TNS3: variants seen among roughly 807,000 people sequenced by gnomAD.
The protein encoded by TNS3 is tensin 3.
In TNS3, 45 loss-of-function variants were observed where a neutral mutation model predicts 140.9. The ratio of observed to expected loss-of-function variants is 0.32; its 90% confidence interval spans 0.25 to 0.41. TNS3 has a LOEUF of 0.41. Ranked by LOEUF, TNS3 falls within the 10% of genes least tolerant of loss-of-function variation. The probability of loss-of-function intolerance (pLI) is 1.00; values close to 1 mark genes in which losing one functional copy is unlikely to be tolerated. For synonymous variants in TNS3, 815 were observed against 788.4 expected (o/e 1.03, Z -0.56); for missense variants, 1,716 against 1,906.7 (o/e 0.90, Z 1.86).
At chr7:47,286,482 A>G (rs576522209) in intron 27 of TNS3, among the ~76,000 whole-genome samples, 1 of 152,248 alleles carries the variant, frequency 6.6e-6, no homozygotes, top group African/African-American at 2.4e-5. Flanking sequence ...CACCTGACCC[A>G]AGACCATCCA....
chr7:47,445,527 C>A (rs1417773961), intron 4 of TNS3, among the ~76,000 whole-genome samples: 1 of 152,220 alleles, frequency 6.6e-6, no homozygotes. Flanking sequence ...CCCTGAATCA[C>A]ATGAACATCA....
Position 47,312,371 on chromosome 7 carries a change from C to G in TNS3, c.2651-7368G>C, listed in dbSNP as rs1379544017. 2.6e-5 allele frequency among the ~76,000 whole-genome samples: 4 copies of G among 152,326 alleles called. No homozygotes were observed. The South Asian group carries it at 8.3e-4, about 32-fold the overall frequency. ...TATTCCCAGTACTAAGATGACTTAT[C>G]TCCATTTGTGTTTGTCCGTATTTCT... On this transcript the variant is annotated intron_variant, in intron 20 of 30. Coordinates refer to ENST00000311160, the MANE Select transcript of TNS3 (RefSeq NM_022748.12).
At chr7:47,573,013 G>A (rs1229814414) in intron 1 of TNS3, among the ~76,000 whole-genome samples, 2 of 152,146 alleles carry the variant, frequency 1.3e-5, no homozygotes, top group African/African-American at 2.4e-5. Context: ...TTGCCACCAG[G>A]GCTGCCCCAG....
chr7:47,549,193 A>T (rs1799997537), intron 1 of TNS3, among the ~76,000 whole-genome samples: 1 of 152,146 alleles, frequency 6.6e-6, no homozygotes, highest in African/African-American at 2.4e-5. Context: ...TAAAAAATAA[A>T]TAAATGAAAG....
intron 1 of TNS3, among the ~76,000 whole-genome samples, chr7:47,578,186 G>A (rs571869894): frequency 6.6e-5 from 10 of 152,080 alleles, no homozygotes; most frequent in Admixed American, 2.6e-4. Context: ...GGTGGTATGC[G>A]CCTGTAATCC....
chr7:47,567,450 C>T (rs918374542), intron 1 of TNS3, among the ~76,000 whole-genome samples: 2 of 151,982 alleles, frequency 1.3e-5, no homozygotes, highest in Admixed American at 6.6e-5. Context: ...TTTGGAAGGC[C>T]GAGGCAGATG....
chr7:47,308,867 T>C (rs1298131783), intron 20 of TNS3, among the ~76,000 whole-genome samples: 1 of 152,196 alleles, frequency 6.6e-6, no homozygotes, highest in Non-Finnish European at 1.5e-5. Context: ...GCCTTCAATG[T>C]CCCTAATGTC....
intron 4 of TNS3, among the ~76,000 whole-genome samples, chr7:47,446,394 C>T (rs896990285): frequency 1.4e-4 from 22 of 152,174 alleles, no homozygotes; most frequent in African/African-American, 4.1e-4. Flanking sequence ...TGGACCCTAT[C>T]GCCAATGTCA....
chr7:47,530,838 A>AATATATATATATAT (rs1554350245), intron 1 of TNS3, among the ~76,000 whole-genome samples: 3,113 of 53,708 alleles, frequency 0.058, 323 homozygotes, highest in South Asian at 0.12. Flanking sequence ...AAAAAAAAAA[A>AATATATATATATAT]ATATATATAT....
At chr7:47,440,664 G>A (rs190724772) in intron 5 of TNS3, among the ~76,000 whole-genome samples, 1 of 152,280 alleles carries the variant, frequency 6.6e-6, no homozygotes, top group African/African-American at 2.4e-5. Context: ...CCTCCCAGGA[G>A]TGCTCCTAAC....
intron 27 of TNS3, among the ~76,000 whole-genome samples, chr7:47,285,030 C>T (rs190342196): frequency 6.6e-6 from 1 of 152,124 alleles, no homozygotes; most frequent in African/African-American, 2.4e-5. Flanking sequence ...GGTGGTTTGG[C>T]AGGTATGTTG....
rs141783735 is a variant in TNS3 at position 47,276,493 on chromosome 7, T to C, written c.*1583A>G. The C allele has an allele frequency of 8.5e-5, 13 of 152,364 alleles. No homozygotes were observed. The highest frequency in any genetic ancestry group is 2.9e-4 in the African/African-American group (12 of 41,546). 9.4% of individuals were successfully genotyped at this position (152,364 alleles called of 1,614,324 possible). ...CCAGTGTGGCCTAAGAATGGGGGAT[T>C]TGACTTTTGAAAGCAGAGGAGGGAA... On this transcript the variant is annotated 3_prime_UTR_variant, in exon 31 of 31. Transcript: ENST00000311160.
intron 4 of TNS3, among the ~76,000 whole-genome samples, chr7:47,448,475 G>A (rs796900179): frequency 9.7e-4 from 102 of 105,340 alleles, no homozygotes; most frequent in African/African-American, 3.9e-3. Flanking sequence ...GTGGGAATTC[G>A]ATTTTTTTTT....
At chr7:47,500,954 G>A (rs951665975) in intron 3 of TNS3, among the ~76,000 whole-genome samples, 7 of 152,092 alleles carry the variant, frequency 4.6e-5, no homozygotes, top group Non-Finnish European at 8.8e-5. Context: ...CAGGCGTGTT[G>A]GCACACGCCT....
intron 16 of TNS3, among the ~76,000 whole-genome samples, chr7:47,372,932 G>C (rs897995149): frequency 5.9e-5 from 9 of 152,210 alleles, no homozygotes; most frequent in African/African-American, 2.2e-4. Context: ...GATAGGACTG[G>C]TCAAGCTTCT....
chr7:47,461,462 C>CA (rs1796486801), intron 4 of TNS3, among the ~76,000 whole-genome samples: 3 of 152,270 alleles, frequency 2.0e-5, no homozygotes, highest in South Asian at 2.1e-4. Flanking sequence ...CTGAGGGGCT[C>CA]AGTCAGCCAA....
At chr7:47,446,835 T>A (rs1197469692) in intron 4 of TNS3, among the ~76,000 whole-genome samples, 1 of 151,190 alleles carries the variant, frequency 6.6e-6, no homozygotes, top group East Asian at 2.0e-4. Flanking sequence ...TGGGACTACA[T>A]GCATGTACCA....
chr7:47,525,399 A>G (rs564631783), intron 2 of TNS3, among the ~76,000 whole-genome samples: 11 of 152,248 alleles, frequency 7.2e-5, no homozygotes, highest in Admixed American at 2.6e-4. Context: ...ATCTGGAGAC[A>G]GCATGCCTTA....
At chr7:47,479,152 T>C (rs946671189) in intron 4 of TNS3, among the ~76,000 whole-genome samples, 1 of 152,208 alleles carries the variant, frequency 6.6e-6, no homozygotes, top group Non-Finnish European at 1.5e-5. Context: ...GCAGCCAGGA[T>C]GGGCCCTTTG....
Sources: allele counts gnomAD v4.1 joint callset (sites outside exome capture counted in the v4.1 genomes callset), GRCh38; gene constraint gnomAD v4.1.1; transcripts MANE v1.5; gene names NCBI Gene and HGNC (gene_info 2026-07-23, HGNC 2026-07-21).